GRB14: variants seen among roughly 807,000 people sequenced by gnomAD.
The protein encoded by GRB14 is growth factor receptor-bound protein 14.
Under a neutral mutation model 69.1 loss-of-function variants are expected in GRB14, and 38 were observed. The observed-to-expected ratio is 0.55, with a 90% CI of 0.42 to 0.72. GRB14 has a LOEUF of 0.72. Ranked by LOEUF, GRB14 falls within the 30% of genes least tolerant of loss-of-function variation. The pLI is 0.00. For missense variants in GRB14, 666 were observed against 666.1 expected, an observed-to-expected ratio of 1.00 and a Z score of 0.00; for synonymous variants, 247 against 241.3, an observed-to-expected ratio of 1.02 and a Z score of -0.22.
chr2:164,522,329 G>A (rs557764190), intron 5 of GRB14, among the ~76,000 whole-genome samples: 7 of 151,818 alleles, frequency 4.6e-5, no homozygotes, highest in South Asian at 4.2e-4. Flanking sequence ...TTCTATCTCC[G>A]TGTGTGTATA....
chr2:164,528,577 T>A (rs185322776), intron 3 of GRB14, among the ~76,000 whole-genome samples: 1 of 152,220 alleles, frequency 6.6e-6, no homozygotes, highest in Admixed American at 6.5e-5. Context: ...ATGGATGAGT[T>A]TGAGCTAAGT....
chr2:164,579,663 A>G (rs1378226987), intron 2 of GRB14, among the ~76,000 whole-genome samples: 4 of 152,136 alleles, frequency 2.6e-5, no homozygotes, highest in Non-Finnish European at 5.9e-5. Context: ...CACTTCACAC[A>G]GACAGTGGCC....
intron 3 of GRB14, among the ~76,000 whole-genome samples, chr2:164,547,438 A>G (rs1688407712): frequency 6.6e-6 from 1 of 152,220 alleles, no homozygotes; most frequent in African/African-American, 2.4e-5. Flanking sequence ...GAGGCTCTCA[A>G]CAGCAGAATG....
intron 3 of GRB14, among the ~76,000 whole-genome samples, chr2:164,545,441 G>A (rs888650398): frequency 2.0e-5 from 3 of 152,088 alleles, no homozygotes; most frequent in African/African-American, 7.2e-5. Flanking sequence ...ACAGACAGAA[G>A]AGCAGAAAGC....
chr2:164,578,907 C>A (rs1212836923), intron 2 of GRB14, among the ~76,000 whole-genome samples: 1 of 151,844 alleles, frequency 6.6e-6, no homozygotes, highest in African/African-American at 2.4e-5. Flanking sequence ...TGTGGAAACA[C>A]CATATATACT....
intron 2 of GRB14, among the ~76,000 whole-genome samples, chr2:164,566,657 T>A (rs1255434321): frequency 6.6e-6 from 1 of 152,058 alleles, no homozygotes; most frequent in Non-Finnish European, 1.5e-5. Flanking sequence ...ATAACCAATT[T>A]CCCCTAGGCT....
chr2:164,607,097 T>C (rs1690060230), intron 2 of GRB14, among the ~76,000 whole-genome samples: 1 of 152,224 alleles, frequency 6.6e-6, no homozygotes, highest in East Asian at 1.9e-4. Context: ...CTCAAACATT[T>C]ATCCTGACCA....
chr2:164,594,012 A>G (rs940180424), intron 2 of GRB14, among the ~76,000 whole-genome samples: 5 of 152,216 alleles, frequency 3.3e-5, no homozygotes, highest in Admixed American at 6.5e-5. Flanking sequence ...TTACATAGTC[A>G]TATTAACAGA....
chr2:164,615,759 C>T (rs1290053268), intron 2 of GRB14, among the ~76,000 whole-genome samples: 1 of 152,164 alleles, frequency 6.6e-6, no homozygotes, highest in African/African-American at 2.4e-5. Flanking sequence ...AGTTGTACAA[C>T]ATAGTCCTGG....
At chr2:164,570,085 C>T (rs1444345324) in intron 2 of GRB14, among the ~76,000 whole-genome samples, 2 of 151,824 alleles carry the variant, frequency 1.3e-5, no homozygotes, top group Admixed American at 1.3e-4. Context: ...TGCATCCTGG[C>T]TAACACTGTG....
intron 2 of GRB14, among the ~76,000 whole-genome samples, chr2:164,590,254 T>G (rs903582695): frequency 2.0e-5 from 3 of 152,184 alleles, no homozygotes; most frequent in Admixed American, 6.5e-5. Flanking sequence ...TTTACTTCAT[T>G]TCCTAGAATT....
chr2:164,548,888 TGAA>T (rs1688454358), intron 2 of GRB14, among the ~76,000 whole-genome samples: 1 of 152,182 alleles, frequency 6.6e-6, no homozygotes, highest in East Asian at 1.9e-4. Flanking sequence ...TTATTTTTTT[TGAA>T]GGAGTTTCAT....
At chr2:164,509,519 G>A (rs1471982082) in intron 6 of GRB14, among the ~76,000 whole-genome samples, 4 of 152,236 alleles carry the variant, frequency 2.6e-5, no homozygotes, top group African/African-American at 7.2e-5. Context: ...ACTGGTCATG[G>A]GAAATCACTA....
Position 164,505,811 on chromosome 2 carries a change from G to A in GRB14, c.1023+2644C>T, listed in dbSNP as rs564883555. Among the ~76,000 whole-genome samples, 680 of 152,216 alleles carry A rather than the reference G, an allele frequency of 4.5e-3. 7 individuals are homozygous for A. Among genetic ancestry groups the A allele is most frequent in the Admixed American group, 7.6e-3 (116 of 15,290 alleles). ...AATAAATAAAACAAAAATTGTAAGT[G>A]ATATGAAAGCATCATATCATCATTT... On this transcript the variant is annotated intron_variant, in intron 8 of 13. Coordinates refer to ENST00000263915, the MANE Select transcript of GRB14 (RefSeq NM_004490.3).
At chr2:164,559,217 G>A (rs565817999) in intron 2 of GRB14, among the ~76,000 whole-genome samples, 1 of 152,104 alleles carries the variant, frequency 6.6e-6, no homozygotes, top group South Asian at 2.1e-4. Context: ...CAAACACTGG[G>A]AACAACTGAT....
chr2:164,526,203 G>T (rs1054208109), intron 4 of GRB14, among the ~76,000 whole-genome samples: 10 of 151,870 alleles, frequency 6.6e-5, no homozygotes, highest in Non-Finnish European at 1.5e-4. Flanking sequence ...GTCTTTCAGG[G>T]TTTGAAAATA....
At chr2:164,493,640 GTTTTC>G (rs990438315) in intron 13 of GRB14, among the ~76,000 whole-genome samples, 17 of 152,128 alleles carry the variant, frequency 1.1e-4, no homozygotes, top group African/African-American at 3.9e-4. Context: ...CATTCTGTCA[GTTTTC>G]TTTTTTTTAA....
At position 164,497,206 on chromosome 2, in the gene GRB14, C is replaced by T. The variant is rs771982754; in HGVS notation, c.1294+5G>A. On this transcript the variant is annotated splice_donor_5th_base_variant and intron_variant, in intron 11 of 13. Transcript: ENST00000263915. Reference sequence around the variant, plus strand: ...CTCAGTGGCAATGACTATGAACAGACATACCCATGTTTGTGGCAGAGCTCT... The same window carrying T: ...CTCAGTGGCAATGACTATGAACAGATATACCCATGTTTGTGGCAGAGCTCT... The T allele has an allele frequency of 3.1e-6, 5 of 1,612,520 alleles. No homozygotes were observed. In the Admixed American group the frequency reaches 6.7e-5, roughly 22 times the overall value.
rs1405241881 is a variant in GRB14 at position 164,550,189 on chromosome 2, T to C, written c.325-2373A>G. 2.0e-5 allele frequency among the ~76,000 whole-genome samples: 3 copies of C among 152,304 alleles called. No individual in the cohort carries two copies. The East Asian group carries it at 5.8e-4, about 29-fold the overall frequency. ...ATGTAAGCATATAGAATGTTACACTTCCTGGCCCATGAAAATCTCCTACAT... is the reference window on the plus strand; with the variant it reads ...ATGTAAGCATATAGAATGTTACACTCCCTGGCCCATGAAAATCTCCTACAT... On this transcript the variant is annotated intron_variant, in intron 2 of 13. Coordinates refer to ENST00000263915, the MANE Select transcript of GRB14 (RefSeq NM_004490.3).
Sources: gnomAD v4.1 joint callset for allele counts (sites outside exome capture counted in the v4.1 genomes callset) on GRCh38, gnomAD v4.1.1 for gene constraint, MANE v1.5 for transcripts, NCBI Gene and HGNC (gene_info 2026-07-23, HGNC 2026-07-21) for gene names.